Variants in PBXIP1 observed in about 807,000 individuals in gnomAD.
PBXIP1 encodes pre-B-cell leukemia transcription factor-interacting protein 1.
PBXIP1 carries 73 observed loss-of-function variants against 73.7 expected under a neutral mutation model. That is an observed-to-expected ratio of 0.99 (90% CI 0.82 to 1.20). The LOEUF (loss-of-function observed/expected upper bound fraction) is 1.20, where lower values mean the gene tolerates loss of function less well. PBXIP1 is among the 50% of genes most tolerant of loss of function. The probability of loss-of-function intolerance (pLI) is 0.00; values close to 1 mark genes in which losing one functional copy is unlikely to be tolerated. For synonymous variants in PBXIP1, 330 were observed against 366.9 expected (o/e 0.90, Z 1.15); for missense variants, 818 against 911.4 (o/e 0.90, Z 1.32).
chr1:154,955,000 A>G, intron 1 of PBXIP1: 4 of 982,910 alleles, frequency 4.1e-6, no homozygotes, highest in Non-Finnish European at 4.8e-6. Flanking sequence ...GCTGTTTTCA[A>G]GTCCTGCGTG....
intron 9 of PBXIP1, 47 bp from the exon 10 acceptor site, chr1:154,946,850 G>A: frequency 2.7e-6 from 4 of 1,497,618 alleles, no homozygotes; most frequent in Non-Finnish European, 3.6e-6. Flanking sequence ...GTTCTTGTCA[G>A]GATAGCCCCA....
rs772226029 is a variant in PBXIP1 at position 154,946,093 on chromosome 1, C to T, written c.1581G>A (p.Ser527=). 109 of 1,613,970 alleles carry T rather than the reference C, an allele frequency of 6.8e-5. No homozygotes were observed. Among genetic ancestry groups the T allele is most frequent in the Non-Finnish European group, 8.7e-5 (103 of 1,179,982 alleles). Residue 527 remains serine, a synonymous_variant, in exon 10 of 11, where the codon TCG becomes TCA. Coordinates refer to ENST00000368463, the MANE Select transcript of PBXIP1 (RefSeq NM_020524.4). ...WKEGRPRVEE[S]GSKKEGKRQG... ...GTCGCTTGCCCTCCTTCTTGCTCCC[C>T]GACTCCTCCACCCTTGGCCTGCCCT...
At chr1:154,949,772 G>A (rs910120783) in intron 5 of PBXIP1, among the ~76,000 whole-genome samples, 3 of 151,892 alleles carry the variant, frequency 2.0e-5, no homozygotes, top group Non-Finnish European at 4.4e-5. Flanking sequence ...CTTAGCACAA[G>A]GGATGTGAAC....
intron 1 of PBXIP1, among the ~76,000 whole-genome samples, chr1:154,955,708 C>T (rs1373913339): frequency 6.6e-6 from 1 of 152,154 alleles, no homozygotes; most frequent in African/African-American, 2.4e-5. Context: ...CCCTTCTTTT[C>T]ATTCAGGCAG....
At position 154,947,505 on chromosome 1, in the gene PBXIP1, C is replaced by T. The variant is rs757059898; in HGVS notation, c.782G>A (p.Ser261Asn). Reference protein sequence around the residue: ...EQLQAPVPPDSVPSLQNMGLL... With the variant: ...EQLQAPVPPDNVPSLQNMGLL... ...ACCCATGTTTTGCAGGCTGGGGACA[C>T]TGTCAGGAGGCACTGGGGCCTGCAG... The change falls in exon 9 of 11, where the codon AGT (serine) becomes AAT (asparagine). Residue 261 changes from serine (S) to asparagine (N), a missense_variant. Ser to Asn is a conservative substitution (Grantham distance 46). Coordinates refer to ENST00000368463, the MANE Select transcript of PBXIP1 (RefSeq NM_020524.4). The T allele has an allele frequency of 6.2e-7, 1 of 1,611,254 alleles. No individual in the cohort carries two copies. The highest frequency in any genetic ancestry group is 1.1e-5 in the South Asian group (1 of 90,788).
At position 154,951,896 on chromosome 1, in the gene PBXIP1, G is replaced by A. The variant is rs202178266; in HGVS notation, c.77C>T (p.Pro26Leu). ...SESLPVETLGPASRMDPESER... is the reference protein window; with the variant it reads ...SESLPVETLGLASRMDPESER... ...AGATTCTGGGTCCATCCTGGATGCC[G>A]GGCCCAGTGTCTCCACTGGCAGGCT... The change falls in exon 3 of 11, where the codon CCG becomes CTG. Residue 26 changes from proline (P) to leucine (L), a missense_variant. Transcript: ENST00000368463. This position sits in a 1 kb window ranked among gnomAD's most constrained non-coding sequence, Gnocchi z 4.3. The A allele has an allele frequency of 3.8e-5, 62 of 1,611,918 alleles. No individual in the cohort carries two copies. Among genetic ancestry groups the A allele is most frequent in the Non-Finnish European group, 4.4e-5 (52 of 1,179,420 alleles).
Position 154,956,085 on chromosome 1 carries a change from T to G in PBXIP1, c.-53A>C, listed in dbSNP as rs1369699693. The G allele has an allele frequency of 6.6e-6, 1 of 152,432 alleles. No individual in the cohort carries two copies. Among genetic ancestry groups the G allele is most frequent in the African/African-American group, 2.4e-5 (1 of 41,466 alleles). The allele number at this position is 152,432 out of a possible 1,614,324, so 9.4% of individuals were successfully genotyped here. A position where few individuals can be genotyped will look rare whatever the true frequency, so the allele number is the denominator to read the frequency against. On this transcript the variant is annotated 5_prime_UTR_variant, in exon 1 of 11. Coordinates refer to ENST00000368463, the MANE Select transcript of PBXIP1 (RefSeq NM_020524.4). ...AGGCATTACCTGAACCAGCTCTTGC[T>G]TCGGTCTTCAGCTTAACTTGTTGCA... is the stretch of plus-strand genomic sequence containing the variant.
chr1:154,951,090 C>A lies in PBXIP1; in HGVS notation c.409+142G>T. The A allele has an allele frequency of 1.4e-6, 1 of 718,448 alleles. No homozygotes were observed. The highest frequency in any genetic ancestry group is 2.7e-5 in the Admixed American group (1 of 36,726). 44.5% of individuals were successfully genotyped at this position (718,448 alleles called of 1,614,324 possible). A position where few individuals can be genotyped will look rare whatever the true frequency, so the allele number is the denominator to read the frequency against. ...TTCAACCTTTCTGGGCCTCAACGTC[C>A]CAGGGGTAGTGGTGAGAAAGGAGAG... On this transcript the variant is annotated intron_variant, in intron 5 of 10. Transcript: ENST00000368463. The surrounding 1 kb of genome is among the most constrained non-coding windows in gnomAD (Gnocchi z 4.3).
Position 154,946,341 on chromosome 1 carries a change from T to G in PBXIP1, c.1333A>C (p.Asn445His). The change falls in exon 10 of 11, where the codon AAC becomes CAC. Residue 445 changes from asparagine (N) to histidine (H), a missense_variant. By Grantham distance (68) the Asn-to-His change is moderately conservative. Transcript: ENST00000368463. ...RLAQKLQGLE[N>H]WGQDPGVSAN... ...GAGACCCCAGGGTCCTGGCCCCAGTTCTCCAGGCCCTGCAGTTTCTGGGCC... is the reference window on the plus strand; with the variant it reads ...GAGACCCCAGGGTCCTGGCCCCAGTGCTCCAGGCCCTGCAGTTTCTGGGCC... 6.2e-7 allele frequency: 1 copy of G among 1,613,896 alleles called. No homozygotes were observed. Among genetic ancestry groups the G allele is most frequent in the Non-Finnish European group, 8.5e-7 (1 of 1,179,958 alleles).
Position 154,948,380 on chromosome 1 carries a change from C to G in PBXIP1, c.410-14G>C, listed in dbSNP as rs753928060. The G allele has an allele frequency of 7.1e-6, 11 of 1,544,368 alleles. No homozygotes were observed. Among genetic ancestry groups the G allele is most frequent in the Non-Finnish European group, 9.7e-6 (11 of 1,135,594 alleles). Reference sequence around the variant, plus strand: ...CCCTGATCCAAGCTAGGGGAAAGGACAGGGACAGGGCAGTGAGGTGACTGG... The same window carrying G: ...CCCTGATCCAAGCTAGGGGAAAGGAGAGGGACAGGGCAGTGAGGTGACTGG... On this transcript the variant is annotated splice_polypyrimidine_tract_variant and intron_variant, in intron 5 of 10. Transcript: ENST00000368463.
At chr1:154,945,209 G>C in intron 10 of PBXIP1, 92 bp from the exon 11 acceptor site, 1 of 926,258 alleles carries the variant, frequency 1.1e-6, no homozygotes, top group South Asian at 1.5e-5. Context: ...CAATGAAGCT[G>C]ACTTGAGCAG....
At position 154,947,463 on chromosome 1, in the gene PBXIP1, A is replaced by G. The variant is rs1654863851; in HGVS notation, c.824T>C (p.Leu275Pro). Residue 275 changes from leucine (L) to proline (P), a missense_variant, in exon 9 of 11, where the codon CTG becomes CCG. Coordinates refer to ENST00000368463, the MANE Select transcript of PBXIP1 (RefSeq NM_020524.4). ...CCGGATGTCCTGGTTCTCCTTGGCC[A>G]GCTTGTCCAGCAGAAGACCCATGTT... ...LQNMGLLLDKLAKENQDIRLL... is the reference protein window; with the variant it reads ...LQNMGLLLDKPAKENQDIRLL... 6.2e-7 allele frequency: 1 copy of G among 1,613,866 alleles called. No homozygotes were observed. Among genetic ancestry groups the G allele is most frequent in the Non-Finnish European group, 8.5e-7 (1 of 1,179,954 alleles).
chr1:154,952,499 C>T lies in PBXIP1; in HGVS notation c.52-578G>A, dbSNP rs115423578. 1.0e-3 allele frequency among the ~76,000 whole-genome samples: 155 copies of T among 152,312 alleles called. 1 individual carries two copies. The highest frequency in any genetic ancestry group is 3.6e-3 in the African/African-American group (150 of 41,572). The stretch of plus-strand genomic sequence containing the variant: ...CCAGGGCACTCTCAGCCTGGACATC[C>T]AGCCCTGGCCACACAGCCTCGGCCT... On this transcript the variant is annotated intron_variant, in intron 2 of 10. Transcript: ENST00000368463.
rs1654802058 is a variant in PBXIP1, at chr1:154,946,104, C to A, written c.1570G>T (p.Val524Leu). ...AGRWKEGRPR[V>L]EESGSKKEGK... The stretch of plus-strand genomic sequence containing the variant: ...TCCTTCTTGCTCCCCGACTCCTCCA[C>A]CCTTGGCCTGCCCTCCTTCCACCTT... Residue 524 changes from valine (V) to leucine (L), a missense_variant, in exon 10 of 11, where the codon GTG (valine) becomes TTG (leucine). Transcript: ENST00000368463. 1.2e-6 allele frequency: 2 copies of A among 1,614,160 alleles called. No homozygotes were observed. Among genetic ancestry groups the A allele is most frequent in the South Asian group, 1.1e-5 (1 of 91,084 alleles).
At chr1:154,949,510 T>C (rs1571398952) in intron 5 of PBXIP1, among the ~76,000 whole-genome samples, 1 of 152,124 alleles carries the variant, frequency 6.6e-6, no homozygotes, top group Non-Finnish European at 1.5e-5. Context: ...AATTCCATCC[T>C]GAGCCTCGGC....
rs763731045 is a variant in PBXIP1 at position 154,951,404 on chromosome 1, C to A, written c.244-7G>T. ...CATCACCTTCCAGGGTGCCCTAATG[C>A]AGATGCAGCAGTGAGCAGCTGCTAG... On this transcript the variant is annotated splice_polypyrimidine_tract_variant and splice_region_variant and intron_variant, in intron 4 of 10. Coordinates refer to ENST00000368463, the MANE Select transcript of PBXIP1 (RefSeq NM_020524.4). The surrounding 1 kb of genome is among the most constrained non-coding windows in gnomAD (Gnocchi z 4.3). 1 of 1,614,082 alleles carries A rather than the reference C, an allele frequency of 6.2e-7. No individual in the cohort carries two copies. The highest frequency in any genetic ancestry group is 8.5e-7 in the Non-Finnish European group (1 of 1,179,982).
At chr1:154,947,324 T>C in intron 9 of PBXIP1, 93 bp downstream of exon 9, 2 of 1,450,886 alleles carry the variant, frequency 1.4e-6, no homozygotes, top group Non-Finnish European at 9.7e-7. Flanking sequence ...GATGTGTGGG[T>C]AAATAGGAAA....
chr1:154,946,946 T>C (rs1226859791), intron 9 of PBXIP1, 143 bp from the exon 10 acceptor site: 3 of 724,234 alleles, frequency 4.1e-6, no homozygotes, highest in Non-Finnish European at 6.7e-6. Flanking sequence ...AGGATTTGGT[T>C]TTCATCCTCC....
chr1:154,952,386 C>T (rs1308395329), intron 2 of PBXIP1, among the ~76,000 whole-genome samples: 1 of 152,096 alleles, frequency 6.6e-6, no homozygotes, highest in Non-Finnish European at 1.5e-5. Flanking sequence ...TCTGGCCTTT[C>T]CCGCTGGCCC....
Sources: allele counts gnomAD v4.1 joint callset (sites outside exome capture counted in the v4.1 genomes callset), GRCh38; gene constraint gnomAD v4.1.1; non-coding constraint Gnocchi (gnomAD v3.1); transcripts MANE v1.5; gene names NCBI Gene and HGNC (gene_info 2026-07-23, HGNC 2026-07-21).